NEURL4: variants seen among roughly 807,000 people sequenced by gnomAD.
NEURL4 encodes neuralized E3 ubiquitin protein ligase 4.
A neutral mutation model predicts 148.0 loss-of-function variants in NEURL4; 45 were observed. That is an observed-to-expected ratio of 0.30 (90% confidence interval 0.24 to 0.39). The LOEUF (loss-of-function observed/expected upper bound fraction) is 0.39. Ranked by LOEUF, NEURL4 falls within the 10% of genes least tolerant of loss-of-function variation. NEURL4 has a pLI of 1.00. For synonymous variants in NEURL4, 854 were observed against 869.0 expected (o/e 0.98, Z 0.30); for missense variants, 1,776 against 2,144.0 (o/e 0.83, Z 3.39).
chr17:7,327,367 C>T lies in NEURL4; in HGVS notation c.727+73G>A, dbSNP rs1233072677. Reference sequence around the variant, plus strand: ...GGGATCAGGGTGGCCCTGCCCACACCCAGCCTGTCTTGTCACTCTATTTCC... The same window carrying T: ...GGGATCAGGGTGGCCCTGCCCACACTCAGCCTGTCTTGTCACTCTATTTCC... On this transcript the variant is annotated intron_variant, in intron 2 of 28. Coordinates refer to ENST00000399464, the MANE Select transcript of NEURL4 (RefSeq NM_032442.3). This position sits in a 1 kb window ranked among gnomAD's most constrained non-coding sequence, Gnocchi z 6.6. 23 of 1,460,524 alleles carry T rather than the reference C, an allele frequency of 1.6e-5. No homozygotes were observed. The highest frequency in any genetic ancestry group is 1.9e-5 in the Non-Finnish European group (21 of 1,078,090). 90.5% of individuals were successfully genotyped at this position (1,460,524 alleles called of 1,614,324 possible). A position where few individuals can be genotyped will look rare whatever the true frequency, so the allele number is the denominator to read the frequency against.
At position 7,318,581 on chromosome 17, in the gene NEURL4, C is replaced by T. The variant is rs1477202783; in HGVS notation, c.3778G>A (p.Val1260Ile). 6.2e-7 allele frequency: 1 copy of T among 1,614,080 alleles called. No homozygotes were observed. Among genetic ancestry groups the T allele is most frequent in the Non-Finnish European group, 8.5e-7 (1 of 1,179,998 alleles). Residue 1260 changes from valine to isoleucine, a missense_variant, in exon 23 of 29, where the codon GTT becomes ATT. Physicochemically the swap from Val to Ile is conservative, Grantham distance 29. Coordinates refer to ENST00000399464, the MANE Select transcript of NEURL4 (RefSeq NM_032442.3). This position sits in a 1 kb window ranked among gnomAD's most constrained non-coding sequence, Gnocchi z 4.3. The part of the protein sequence containing the change: ...LDSSGGLHLH[V>I]NGVDQGVAVP... The stretch of plus-strand genomic sequence containing the variant: ...GCTACCCCCTGGTCCACCCCATTAA[C>T]ATGAAGATGCAGCCCCCCAGAGCTG...
In NEURL4 at chr17:7,324,285, G is replaced by T. The variant is rs770570159; in HGVS notation, c.1900-15C>A. On this transcript the variant is annotated splice_polypyrimidine_tract_variant and intron_variant, in intron 10 of 28. Transcript: ENST00000399464. This position sits in a 1 kb window ranked among gnomAD's most constrained non-coding sequence, Gnocchi z 5.9. ...GTGTCCCCTGCCTTGGAAGAAGGGG[G>T]TGCTGGAGTGAGGAGTCAGGCAGAG... 1.9e-6 allele frequency: 3 copies of T among 1,613,620 alleles called. No homozygotes were observed. The highest frequency in any genetic ancestry group is 1.3e-5 in the African/African-American group (1 of 75,062).
In NEURL4 at chr17:7,321,755, T is replaced by C. The variant is rs762708287; in HGVS notation, c.2904A>G (p.Ala968=). ...VKVEELDEKW[A]GSLRLGLTTL... ...TGGTCAGCCCCAGCCGCAGGGAACC[T>C]GCCCACTTCTCATCTAGCTCTTCCA... Residue 968 remains alanine, a synonymous_variant, in exon 18 of 29, where the codon GCA becomes GCG. Transcript: ENST00000399464. The surrounding 1 kb of genome is among the most constrained non-coding windows in gnomAD (Gnocchi z 6.3). 8 of 1,613,522 alleles carry C rather than the reference T, an allele frequency of 5.0e-6. No homozygotes were observed. In the East Asian group the frequency reaches 1.8e-4, roughly 36 times the overall value.
chr17:7,319,715 A>C (rs140560020), intron 21 of NEURL4, among the ~76,000 whole-genome samples: 1 of 73,686 alleles, frequency 1.4e-5, no homozygotes, highest in South Asian at 5.8e-4. Context: ...AAAACAAAAA[A>C]ACAAAAAAAC....
rs752026270 is a variant in NEURL4 at position 7,321,932 on chromosome 17, C to T, written c.2804G>A (p.Arg935His). 60 of 1,613,814 alleles carry T rather than the reference C, an allele frequency of 3.7e-5. No individual in the cohort carries two copies. The highest frequency in any genetic ancestry group is 4.2e-5 in the Non-Finnish European group (49 of 1,180,006). Residue 935 changes from arginine (R) to histidine (H), a missense_variant, in exon 17 of 29, where the codon CGT (arginine) becomes CAT (histidine). Arg to His is a conservative substitution (Grantham distance 29). Coordinates refer to ENST00000399464, the MANE Select transcript of NEURL4 (RefSeq NM_032442.3). The surrounding 1 kb of genome is among the most constrained non-coding windows in gnomAD (Gnocchi z 6.3). ...TLEEDGTRAV[R>H]AAGYAHGLVF... ...AAGGCCATGAGCATAGCCAGCGGCA[C>T]GCACTGCCCTCGTGCCATCCTCCTC...
At position 7,326,919 on chromosome 17, in the gene NEURL4, G is replaced by A; in HGVS notation, c.884C>T (p.Pro295Leu). 1.2e-6 allele frequency: 2 copies of A among 1,613,952 alleles called. 1 individual carries two copies. Among genetic ancestry groups the A allele is most frequent in the South Asian group, 2.2e-5 (2 of 91,078 alleles). The change falls in exon 4 of 29, where the codon CCA (proline) becomes CTA (leucine). Residue 295 changes from proline to leucine, a missense_variant. Pro to Leu is a moderately conservative substitution (Grantham distance 98). Coordinates refer to ENST00000399464, the MANE Select transcript of NEURL4 (RefSeq NM_032442.3). The surrounding 1 kb of genome is among the most constrained non-coding windows in gnomAD (Gnocchi z 6.0). ...GGLLNVNLSS[P>L]PAGEGLGSSG... The stretch of plus-strand genomic sequence containing the variant: ...AGATCCCAGGCCTTCCCCTGCCGGT[G>A]GGGAGCTCAGGTTCACATTCAGGAG...
At position 7,323,140 on chromosome 17, in the gene NEURL4, A is replaced by C. The variant is rs1036099094; in HGVS notation, c.2418-17T>G. The C allele has an allele frequency of 6.2e-7, 1 of 1,604,996 alleles. No individual in the cohort carries two copies. The highest frequency in any genetic ancestry group is 8.5e-7 in the Non-Finnish European group (1 of 1,173,284). On this transcript the variant is annotated splice_polypyrimidine_tract_variant and intron_variant, in intron 14 of 28. Transcript: ENST00000399464. The stretch of plus-strand genomic sequence containing the variant: ...GCTGTACCACTGGGGGGATGGCAGA[A>C]GGGGTGAGTCAGCCTGCCAACTTCA...
In NEURL4 at chr17:7,321,532, C is replaced by T. The variant is rs569960933; in HGVS notation, c.3099+28G>A. 2.5e-6 allele frequency: 4 copies of T among 1,613,446 alleles called. No homozygotes were observed. The South Asian group carries it at 4.4e-5, about 18-fold the overall frequency. ...CCTGCCACCTCCACTCCCAACCCCTCCCCTGTCCCTGGAGCCAGCCACTTC... is the reference window on the plus strand; with the variant it reads ...CCTGCCACCTCCACTCCCAACCCCTTCCCTGTCCCTGGAGCCAGCCACTTC... On this transcript the variant is annotated intron_variant, in intron 18 of 28. Transcript: ENST00000399464. This position sits in a 1 kb window ranked among gnomAD's most constrained non-coding sequence, Gnocchi z 6.3.
At position 7,327,967 on chromosome 17, in the gene NEURL4, G is replaced by T; in HGVS notation, c.283-83C>A. The T allele has an allele frequency of 9.0e-7, 1 of 1,110,508 alleles. No individual in the cohort carries two copies. The highest frequency in any genetic ancestry group is 1.3e-6 in the Non-Finnish European group (1 of 792,722). The allele number at this position is 1,110,508 out of a possible 1,614,324, so 68.8% of individuals were successfully genotyped here. On this transcript the variant is annotated intron_variant, in intron 1 of 28. Transcript: ENST00000399464. This position sits in a 1 kb window ranked among gnomAD's most constrained non-coding sequence, Gnocchi z 6.6. ...ACCATATCTTCCCACCTCTCAGACA[G>T]CTAGCTGGCTTTCTGTCTCTTGGAA...
intron 28 of NEURL4, 68 bp from the exon 29 acceptor site, chr17:7,316,395 T>A: frequency 7.7e-7 from 1 of 1,290,350 alleles, no homozygotes; most frequent in Non-Finnish European, 1.1e-6. Flanking sequence ...CAAAGTCTGT[T>A]CCAACCACAC....
Position 7,324,004 on chromosome 17 carries a change from G to A in NEURL4, c.2071C>T (p.Pro691Ser), listed in dbSNP as rs1448552528. The A allele has an allele frequency of 1.2e-6, 2 of 1,609,546 alleles. No individual in the cohort carries two copies. Among genetic ancestry groups the A allele is most frequent in the African/African-American group, 1.3e-5 (1 of 74,916 alleles). Residue 691 changes from proline (P) to serine (S), a missense_variant, in exon 12 of 29, where the codon CCA becomes TCA. Coordinates refer to ENST00000399464, the MANE Select transcript of NEURL4 (RefSeq NM_032442.3). This position sits in a 1 kb window ranked among gnomAD's most constrained non-coding sequence, Gnocchi z 5.9. Reference protein sequence around the residue: ...ATIVDDVEVAPVPEPLPEGNN... With the variant: ...ATIVDDVEVASVPEPLPEGNN... ...CCCTCAGGGAGTGGTTCAGGAACTG[G>A]AGCCACCTCTGTAAAAGTGGACATC...
intron 21 of NEURL4, among the ~76,000 whole-genome samples, chr17:7,320,550 T>C (rs1373596798): frequency 3.9e-5 from 6 of 152,198 alleles, no homozygotes. Context: ...TCCTCCAGCC[T>C]GTCCCTACTG....
chr17:7,322,869 G>A lies in NEURL4; in HGVS notation c.2594-3C>T. 1 of 1,612,766 alleles carries A rather than the reference G, an allele frequency of 6.2e-7. No individual in the cohort carries two copies. Among genetic ancestry groups the A allele is most frequent in the Non-Finnish European group, 8.5e-7 (1 of 1,178,892 alleles). The stretch of plus-strand genomic sequence containing the variant: ...GAGATCGACTACCGCATACACCTCT[G>A]GGGAGGAGAGGGAAGGTCAGAAGCC... On this transcript the variant is annotated splice_polypyrimidine_tract_variant and splice_region_variant and intron_variant, in intron 15 of 28. Coordinates refer to ENST00000399464, the MANE Select transcript of NEURL4 (RefSeq NM_032442.3). The surrounding 1 kb of genome is among the most constrained non-coding windows in gnomAD (Gnocchi z 5.5).
rs202135138 is a variant in NEURL4, at chr17:7,327,591, G to A, written c.576C>T (p.Val192=). The change falls in exon 2 of 29, where the codon GTC becomes GTT. Residue 192 remains valine (V), a synonymous_variant. Coordinates refer to ENST00000399464, the MANE Select transcript of NEURL4 (RefSeq NM_032442.3). This position sits in a 1 kb window ranked among gnomAD's most constrained non-coding sequence, Gnocchi z 6.6. ...GGGTGCACTTGCCATAAAGGTCCAC[G>A]ACGGCCCAGACACGAGGGGGCAGGC... The part of the protein sequence containing the change: ...ATGLPPRVWA[V]VDLYGKCTQI... The A allele has an allele frequency of 6.2e-6, 10 of 1,611,922 alleles. No individual in the cohort carries two copies. Among genetic ancestry groups the A allele is most frequent in the African/African-American group, 1.3e-5 (1 of 75,030 alleles).
At chr17:7,328,930 G>C (rs1425743823) in intron 1 of NEURL4, 101 bp downstream of exon 1, 1 of 1,161,486 alleles carries the variant, frequency 8.6e-7, no homozygotes, top group Non-Finnish European at 1.1e-6. Context: ...GTTCCCTCTC[G>C]GTGCCCGGCA....
chr17:7,325,163 C>CAAAAAAAAACA, intron 8 of NEURL4, 46 bp downstream of exon 8: 1 of 608,028 alleles, frequency 1.6e-6, no homozygotes, highest in Non-Finnish European at 2.7e-6. Flanking sequence ...CCCCCCCCCC[C>CAAAAAAAAACA]ATTAGAATCC....
At chr17:7,317,060 TG>T (rs776660377) in intron 28 of NEURL4, 144 bp downstream of exon 28, 2 of 515,664 alleles carry the variant, frequency 3.9e-6, no homozygotes, top group Non-Finnish European at 6.6e-6. Context: ...GTTCAATGAA[TG>T]AAGAAAGGGC....
Position 7,327,741 on chromosome 17 carries a change from CACAGAGCG to C in NEURL4, c.418_425del (p.Arg140ValfsTer13). On this transcript the variant is annotated frameshift_variant, in exon 2 of 29. Coordinates refer to ENST00000399464, the MANE Select transcript of NEURL4 (RefSeq NM_032442.3). LOFTEE classifies it high-confidence loss of function. This position sits in a 1 kb window ranked among gnomAD's most constrained non-coding sequence, Gnocchi z 6.6. ...CCAGGTCCTGACCATACTCCTCCAA[CACAGAGCG>C]TCCATCTCTCAGCACAGAGCAGCCC... is the stretch of plus-strand genomic sequence containing the variant. 6.2e-7 allele frequency: 1 copy of C among 1,614,136 alleles called. No homozygotes were observed. Among genetic ancestry groups the C allele is most frequent in the East Asian group, 2.2e-5 (1 of 44,894 alleles).
Position 7,323,734 on chromosome 17 carries a change from AC to A in NEURL4, c.2262-12del. On this transcript the variant is annotated splice_polypyrimidine_tract_variant and intron_variant, in intron 12 of 28. Coordinates refer to ENST00000399464, the MANE Select transcript of NEURL4 (RefSeq NM_032442.3). ...CCATCCCGCAGGGCCCTGCCAGGAG[AC>A]TGGCGATCAGAGAGGCTCTACTTGC... The A allele has an allele frequency of 1.9e-6, 3 of 1,613,924 alleles. No homozygotes were observed. Among genetic ancestry groups the A allele is most frequent in the Middle Eastern group, 1.6e-4 (1 of 6,062 alleles).
Sources: allele counts gnomAD v4.1 joint callset (sites outside exome capture counted in the v4.1 genomes callset), GRCh38; gene constraint gnomAD v4.1.1; non-coding constraint Gnocchi (gnomAD v3.1); transcripts MANE v1.5; gene names NCBI Gene and HGNC (gene_info 2026-07-23, HGNC 2026-07-21).